SATB1: variants seen among roughly 807,000 people sequenced by gnomAD.
SATB1 encodes DNA-binding protein SATB1.
SATB1 carries 11 observed loss-of-function variants against 86.9 expected under a neutral mutation model. The ratio of observed to expected loss-of-function variants is 0.13; its 90% CI spans 0.08 to 0.21. SATB1 has a LOEUF of 0.21. Ranked by LOEUF, SATB1 falls within the 10% of genes least tolerant of loss-of-function variation. The probability of loss-of-function intolerance (pLI) is 1.00; values close to 1 mark genes in which losing one functional copy is unlikely to be tolerated. For missense variants in SATB1, 551 were observed against 937.6 expected (o/e 0.59, Z 5.39); for synonymous variants, 357 against 357.2 (o/e 1.00, Z 0.01).
At chr3:18,378,371 T>C in intron 8 of SATB1, 46 bp from the exon 9 acceptor site, 1 of 1,593,524 alleles carries the variant, frequency 6.3e-7, no homozygotes, top group Non-Finnish European at 8.6e-7. Context: ...TTGGCTGAAT[T>C]GTTTTGAAGC....
chr3:18,444,775 T>A lies in SATB1; in HGVS notation c.-25+743A>T. ...GGCTGCCGCGGAAGTTAATTGCAAC[T>A]TGACTTCAAGTTGTCCTCTTTCCCC... On this transcript the variant is annotated intron_variant, in intron 1 of 3. Transcript: ENST00000415069. This position sits in a 1 kb window ranked among gnomAD's most constrained non-coding sequence, Gnocchi z 5.1. 1 of 394,482 alleles carries A rather than the reference T, an allele frequency of 2.5e-6. No individual in the cohort carries two copies. Among genetic ancestry groups the A allele is most frequent in the Non-Finnish European group, 3.4e-6 (1 of 290,828 alleles). The allele number at this position is 394,482 out of a possible 1,614,324, so 24.4% of individuals were successfully genotyped here.
chr3:18,416,463 T>A (rs1198552023), intron 3 of SATB1, among the ~76,000 whole-genome samples: 1 of 152,120 alleles, frequency 6.6e-6, no homozygotes. Flanking sequence ...GCTTTATGAT[T>A]TAGATAAGAT....
At chr3:18,362,860 CAAAAAA>C (rs35470564) in intron 9 of SATB1, among the ~76,000 whole-genome samples, 7 of 32,294 alleles carry the variant, frequency 2.2e-4, no homozygotes, top group African/African-American at 3.1e-4. Context: ...ATGCCATGTG[CAAAAAA>C]AAAAAAAAAA....
At chr3:18,361,012 G>T (rs1020511604) in intron 9 of SATB1, among the ~76,000 whole-genome samples, 1 of 152,018 alleles carries the variant, frequency 6.6e-6, no homozygotes, top group African/African-American at 2.4e-5. Flanking sequence ...TTTAAAACAG[G>T]AAAAATAATA....
intron 9 of SATB1, among the ~76,000 whole-genome samples, chr3:18,369,916 G>T (rs78864163): frequency 0.3 from 45,928 of 152,098 alleles, 7,515 homozygotes; most frequent in East Asian, 0.38. Flanking sequence ...GCCAGCGCCG[G>T]TTGTGCAGGT....
chr3:18,412,003 C>T (rs894143714), intron 5 of SATB1, among the ~76,000 whole-genome samples: 9 of 151,728 alleles, frequency 5.9e-5, no homozygotes, highest in Non-Finnish European at 1.2e-4. Flanking sequence ...AACGGAGTCT[C>T]GTTCTGTCAC....
At chr3:18,370,873 T>C (rs558410113) in intron 9 of SATB1, among the ~76,000 whole-genome samples, 1 of 152,358 alleles carries the variant, frequency 6.6e-6, no homozygotes, top group South Asian at 2.1e-4. Flanking sequence ...TTCCCATCCG[T>C]AGCGTCGATA....
In SATB1 at chr3:18,349,219, T is replaced by C; in HGVS notation, c.2243A>G (p.Glu748Gly). ...NTLFSVKLEE[E>G]LSVEGNTDIN... ...GTCTGTGTTTCCTTCCACTGACAGC[T>C]CTTCTTCTAGTTTCACTGAAAAAAG... Residue 748 changes from glutamate (E) to glycine (G), a missense_variant, in exon 11 of 11, where the codon GAG becomes GGG. Around this residue, in one of 8 missense-constraint regions of SATB1, gnomAD observed 41 missense variants for 38.9 expected, o/e 1.06. Transcript: ENST00000338745. This position sits in a 1 kb window ranked among gnomAD's most constrained non-coding sequence, Gnocchi z 5.5. 6.2e-7 allele frequency: 1 copy of C among 1,614,070 alleles called. No individual in the cohort carries two copies. The highest frequency in any genetic ancestry group is 8.5e-7 in the Non-Finnish European group (1 of 1,179,948).
At chr3:18,417,575 C>CT in intron 2 of SATB1, 1 of 639,838 alleles carries the variant, frequency 1.6e-6, no homozygotes, top group South Asian at 1.7e-5. Flanking sequence ...CATTTTCTTC[C>CT]TTTTTTAGAT....
At chr3:18,361,151 C>T (rs1694888726) in intron 9 of SATB1, among the ~76,000 whole-genome samples, 1 of 152,108 alleles carries the variant, frequency 6.6e-6, no homozygotes, top group African/African-American at 2.4e-5. Flanking sequence ...ACTGTAACCT[C>T]ATTTCCTCTA....
At chr3:18,422,690 A>C (rs1223606627) in intron 1 of SATB1, among the ~76,000 whole-genome samples, 1 of 152,196 alleles carries the variant, frequency 6.6e-6, no homozygotes, top group East Asian at 1.9e-4. Context: ...CTTTTTCTGA[A>C]ATTGGTTGCC....
intron 1 of SATB1, among the ~76,000 whole-genome samples, chr3:18,437,305 G>C (rs574192380): frequency 1.3e-5 from 2 of 151,316 alleles, no homozygotes; most frequent in South Asian, 2.1e-4. Context: ...AATGACACTG[G>C]AAAGAAAAAA....
intron 9 of SATB1, among the ~76,000 whole-genome samples, chr3:18,377,871 C>T (rs1299225919): frequency 6.6e-6 from 1 of 152,116 alleles, no homozygotes. Context: ...ATTTATTCTA[C>T]TACAATAGAC....
chr3:18,417,003 G>A lies in SATB1; in HGVS notation c.287C>T (p.Ala96Val). Residue 96 changes from alanine (A) to valine (V), a missense_variant, in exon 3 of 11, where the codon GCA (alanine) becomes GTA (valine). Physicochemically the swap from Ala to Val is moderately conservative, Grantham distance 64. Coordinates refer to ENST00000338745, the MANE Select transcript of SATB1 (RefSeq NM_002971.6). ...AIEYDCKEEHAEFVLVRKDML... is the reference protein window; with the variant it reads ...AIEYDCKEEHVEFVLVRKDML... Reference sequence around the variant, plus strand: ...ATCCTTTCTCACCAGCACAAATTCTGCATGCTCCTCCTTGCAATCATATTC... The same window carrying A: ...ATCCTTTCTCACCAGCACAAATTCTACATGCTCCTCCTTGCAATCATATTC... The A allele has an allele frequency of 3.7e-6, 6 of 1,613,590 alleles. No individual in the cohort carries two copies. The highest frequency in any genetic ancestry group is 3.3e-5 in the South Asian group (3 of 91,056).
At chr3:18,372,457 C>T (rs1336538162) in intron 9 of SATB1, among the ~76,000 whole-genome samples, 1 of 152,080 alleles carries the variant, frequency 6.6e-6, no homozygotes, top group African/African-American at 2.4e-5. Flanking sequence ...AACACGATAA[C>T]CAGAGATCTT....
chr3:18,371,972 C>G (rs140521852), intron 9 of SATB1, among the ~76,000 whole-genome samples: 1 of 152,144 alleles, frequency 6.6e-6, no homozygotes, highest in Non-Finnish European at 1.5e-5. Context: ...CCGAACCTGT[C>G]CTGAAGAACT....
chr3:18,389,626 T>C (rs1253372223), intron 7 of SATB1, among the ~76,000 whole-genome samples: 1 of 152,108 alleles, frequency 6.6e-6, no homozygotes, highest in East Asian at 1.9e-4. Flanking sequence ...CCAAAAATTC[T>C]TCATGCTAAA....
intron 5 of SATB1, among the ~76,000 whole-genome samples, chr3:18,407,048 G>A (rs1697574001): frequency 6.6e-6 from 1 of 152,040 alleles, no homozygotes; most frequent in Admixed American, 6.6e-5. Context: ...AGAACAATGT[G>A]GCAAATGCTA....
At chr3:18,412,935 T>A (rs139717338) in intron 5 of SATB1, among the ~76,000 whole-genome samples, 2 of 152,132 alleles carry the variant, frequency 1.3e-5, no homozygotes, top group African/African-American at 4.8e-5. Context: ...ACAATTTACA[T>A]GTTTTCATAT....
Sources: allele counts gnomAD v4.1 joint callset (sites outside exome capture counted in the v4.1 genomes callset), GRCh38; gene constraint gnomAD v4.1.1; regional missense constraint gnomAD v4.1.1; non-coding constraint Gnocchi (gnomAD v3.1); transcripts MANE v1.5; gene names NCBI Gene and HGNC (gene_info 2026-07-23, HGNC 2026-07-21).